The following SPON1 variants were observed in gnomAD, a reference collection of about 807,000 sequenced individuals.
SPON1 encodes the protein spondin-1.
A neutral mutation model predicts 111.7 loss-of-function variants in SPON1; 52 were observed. The observed-to-expected ratio is 0.47, with a 90% CI of 0.37 to 0.59. The LOEUF (loss-of-function observed/expected upper bound fraction) is 0.59. Among genes scored for constraint, SPON1 ranks in the 20% least tolerant of loss-of-function variants. The pLI is 0.00. For missense variants in SPON1, 957 were observed against 1,068.5 expected (o/e 0.90, Z 1.46); for synonymous variants, 410 against 395.8 (o/e 1.04, Z -0.43).
At chr11:14,038,607 A>G (rs1313036614) in intron 2 of SPON1, among the ~76,000 whole-genome samples, 3 of 152,236 alleles carry the variant, frequency 2.0e-5, no homozygotes, top group African/African-American at 7.2e-5. Flanking sequence ...AAATATGTTC[A>G]ACATCATACG....
chr11:14,182,866 G>A (rs929204968), intron 6 of SPON1, among the ~76,000 whole-genome samples: 25 of 152,318 alleles, frequency 1.6e-4, no homozygotes, highest in African/African-American at 5.8e-4. Flanking sequence ...CAATGAGACT[G>A]TGTCCTTTGG....
intron 1 of SPON1, 63 bp downstream of exon 1, chr11:13,963,205 C>A: frequency 2.3e-6 from 3 of 1,298,998 alleles, no homozygotes; most frequent in African/African-American, 1.6e-5. Context: ...GCGCCGACCT[C>A]GCGGTGCCGG....
chr11:13,979,941 C>T (rs1848131227), intron 1 of SPON1, among the ~76,000 whole-genome samples: 1 of 152,128 alleles, frequency 6.6e-6, no homozygotes, highest in Non-Finnish European at 1.5e-5. Flanking sequence ...CAGAGATTCC[C>T]AGCTCTGTCC....
intron 7 of SPON1, among the ~76,000 whole-genome samples, chr11:14,254,182 G>C (rs782523896): frequency 6.6e-6 from 1 of 152,228 alleles, no homozygotes; most frequent in African/African-American, 2.4e-5. Context: ...ATGGGAGGTT[G>C]AGGTGCAAGG....
In SPON1 at chr11:14,181,648, C is replaced by T. The variant is rs182807605; in HGVS notation, c.825+46080C>T. ...ACCAGGGATCAAAGCCTCACTCTTC[C>T]ATGTAGAAGCCACCTGACCCCAGTT... On this transcript the variant is annotated intron_variant, in intron 6 of 15. Coordinates refer to ENST00000576479, the MANE Select transcript of SPON1 (RefSeq NM_006108.4). Among the ~76,000 whole-genome samples, 654 of 152,260 alleles carry T rather than the reference C, an allele frequency of 4.3e-3. 5 individuals are homozygous for T. The highest frequency in any genetic ancestry group is 4.7e-3 in the Non-Finnish European group (318 of 68,016).
intron 7 of SPON1, among the ~76,000 whole-genome samples, chr11:14,244,882 C>A (rs938607229): frequency 3.9e-5 from 6 of 152,188 alleles, no homozygotes; most frequent in African/African-American, 1.2e-4. Flanking sequence ...CGTCGGGGTT[C>A]ATCTCTTGTC....
rs1554941710 is a variant in SPON1 at position 14,259,679 on chromosome 11, G to A, written c.1809G>A (p.Glu603=). ...GCAAAGCCGAGACATCACAGGCAGA[G>A]AAGTGCATGATGCCAGAGTGCCGTG... The part of the protein sequence containing the change: ...SMCKAETSQA[E]KCMMPECHTI... The change falls in exon 13 of 16, where the codon GAG becomes GAA. Residue 603 remains glutamate (E), a synonymous_variant. Coordinates refer to ENST00000576479, the MANE Select transcript of SPON1 (RefSeq NM_006108.4). The surrounding 1 kb of genome is among the most constrained non-coding windows in gnomAD (Gnocchi z 5.0). 1 of 1,574,136 alleles carries A rather than the reference G, an allele frequency of 6.4e-7. No homozygotes were observed. The highest frequency in any genetic ancestry group is 2.3e-5 in the East Asian group (1 of 42,574).
At chr11:14,141,029 C>CGCCA (rs71041572) in intron 6 of SPON1, among the ~76,000 whole-genome samples, 1 of 132,274 alleles carries the variant, frequency 7.6e-6, no homozygotes, top group Non-Finnish European at 1.6e-5. Flanking sequence ...GTGCCCCCCC[C>CGCCA]ATGCCCCACT....
chr11:13,988,344 GCT>G (rs1443352207), intron 2 of SPON1, among the ~76,000 whole-genome samples: 1 of 151,976 alleles, frequency 6.6e-6, no homozygotes, highest in African/African-American at 2.4e-5. Context: ...TCATGATTTG[GCT>G]CTCTGTTTGT....
Position 14,124,794 on chromosome 11 carries a change from T to A in SPON1, c.677-10626T>A, listed in dbSNP as rs544959899. On this transcript the variant is annotated intron_variant, in intron 5 of 15. Coordinates refer to ENST00000576479, the MANE Select transcript of SPON1 (RefSeq NM_006108.4). Reference sequence around the variant, plus strand: ...ATCCTTGGACTAGCACATAGTATAATCCCAGTAAATATTCATTGAATGAAT... The same window carrying A: ...ATCCTTGGACTAGCACATAGTATAAACCCAGTAAATATTCATTGAATGAAT... Among the ~76,000 whole-genome samples, 23 of 152,320 alleles carry A rather than the reference T, an allele frequency of 1.5e-4. No individual in the cohort carries two copies. In the East Asian group the frequency reaches 3.9e-3, roughly 26 times the overall value.
intron 5 of SPON1, among the ~76,000 whole-genome samples, chr11:14,100,865 C>A (rs1459045502): frequency 6.6e-6 from 1 of 152,200 alleles, no homozygotes; most frequent in Non-Finnish European, 1.5e-5. Context: ...TGACTGATGG[C>A]TGACATAAGA....
chr11:14,068,899 C>T (rs949222366), intron 3 of SPON1, among the ~76,000 whole-genome samples: 24 of 152,114 alleles, frequency 1.6e-4, no homozygotes, highest in Non-Finnish European at 2.1e-4. Context: ...TTCATCTAAC[C>T]TTATTGCACC....
chr11:14,056,266 G>A (rs533967072), intron 3 of SPON1, among the ~76,000 whole-genome samples: 15 of 152,228 alleles, frequency 9.9e-5, no homozygotes, highest in South Asian at 6.2e-4. Flanking sequence ...CACAGAATAA[G>A]CTCTAAACAA....
intron 2 of SPON1, among the ~76,000 whole-genome samples, chr11:14,029,704 G>T (rs1035500103): frequency 2.6e-5 from 4 of 152,086 alleles, no homozygotes; most frequent in Non-Finnish European, 4.4e-5. Context: ...GTCAGGAAAG[G>T]GTGGCTTCAT....
chr11:14,101,125 C>T (rs371536124), intron 5 of SPON1, among the ~76,000 whole-genome samples: 2 of 151,930 alleles, frequency 1.3e-5, no homozygotes, highest in Non-Finnish European at 2.9e-5. Flanking sequence ...TTCGGCTGGG[C>T]GCAGTGGCTA....
At chr11:14,078,491 A>G (rs1848935837) in intron 4 of SPON1, among the ~76,000 whole-genome samples, 1 of 152,154 alleles carries the variant, frequency 6.6e-6, no homozygotes, top group Admixed American at 6.5e-5. Flanking sequence ...CTTCATTGAA[A>G]AAAGCAATAC....
intron 6 of SPON1, among the ~76,000 whole-genome samples, chr11:14,202,921 A>G (rs1848478987): frequency 6.6e-6 from 1 of 152,090 alleles, no homozygotes; most frequent in Non-Finnish European, 1.5e-5. Flanking sequence ...TGGTGCTGTT[A>G]ATCTGCTCTG....
At chr11:14,036,805 G>A (rs182162707) in intron 2 of SPON1, among the ~76,000 whole-genome samples, 1 of 152,088 alleles carries the variant, frequency 6.6e-6, no homozygotes, top group African/African-American at 2.4e-5. Context: ...GGAGAGAGTG[G>A]ATGGGGGAAG....
At chr11:14,243,463 T>G (rs1848952738) in intron 7 of SPON1, 67 bp downstream of exon 7, 1 of 1,286,614 alleles carries the variant, frequency 7.8e-7, no homozygotes, top group Non-Finnish European at 1.1e-6. Flanking sequence ...ACCTACCTAA[T>G]GGCCACCACA....
Sources: allele counts gnomAD v4.1 joint callset (sites outside exome capture counted in the v4.1 genomes callset), GRCh38; gene constraint gnomAD v4.1.1; non-coding constraint Gnocchi (gnomAD v3.1); transcripts MANE v1.5; gene names NCBI Gene and HGNC (gene_info 2026-07-23, HGNC 2026-07-21).